The following SARNP variants were observed in gnomAD, a reference collection of about 807,000 sequenced individuals.
SARNP encodes SAP domain-containing ribonucleoprotein.
SARNP carries 5 observed loss-of-function variants against 38.1 expected under a neutral mutation model. That is an observed-to-expected ratio of 0.13 (90% CI 0.07 to 0.28). SARNP has a LOEUF of 0.28. SARNP is among the 10% of genes least tolerant of loss of function. SARNP has a pLI of 1.00. For missense variants in SARNP, 180 were observed against 243.9 expected (o/e 0.74, Z 1.75); for synonymous variants, 84 against 80.6 (o/e 1.04, Z -0.23).
chr12:55,775,972 A>C (rs1264037441), intron 9 of SARNP, among the ~76,000 whole-genome samples: 1 of 152,204 alleles, frequency 6.6e-6, no homozygotes, highest in Non-Finnish European at 1.5e-5. Flanking sequence ...TCCTATCAAA[A>C]AAATTAATCA....
At position 55,807,607 on chromosome 12, in the gene SARNP, C is replaced by G. The variant is rs899399114; in HGVS notation, c.37-3879G>C. Among the ~76,000 whole-genome samples, 3 of 150,518 alleles carry G rather than the reference C, an allele frequency of 2.0e-5. No homozygotes were observed. The East Asian group carries it at 5.8e-4, about 29-fold the overall frequency. On this transcript the variant is annotated intron_variant, in intron 1 of 10. Coordinates refer to ENST00000336133, the MANE Select transcript of SARNP (RefSeq NM_033082.4). ...CATGAGGTCAGGAGATAGAGACCAT[C>G]CTGGCTAGCACGGTGAAACCCCGTC... is the stretch of plus-strand genomic sequence containing the variant.
chr12:55,799,573 T>TTGTTTG (rs1879919194), intron 4 of SARNP, among the ~76,000 whole-genome samples: 1 of 147,688 alleles, frequency 6.8e-6, no homozygotes, highest in Non-Finnish European at 1.5e-5. Flanking sequence ...TTTTTTTTTT[T>TTGTTTG]TTCCCGAGAC....
At chr12:55,781,209 T>G (rs57923210) in intron 9 of SARNP, among the ~76,000 whole-genome samples, 5,992 of 152,300 alleles carry the variant, frequency 0.039, 409 homozygotes, top group African/African-American at 0.14. Flanking sequence ...CTATCTGTAC[T>G]TTGAATTGAC....
chr12:55,773,030 T>C (rs1879058375), intron 9 of SARNP, among the ~76,000 whole-genome samples: 1 of 152,182 alleles, frequency 6.6e-6, no homozygotes, highest in Non-Finnish European at 1.5e-5. Context: ...AGCTGAAACT[T>C]TTCAGGAGAC....
At chr12:55,790,702 GA>G (rs1223392001) in intron 7 of SARNP, 110 bp from the exon 8 acceptor site, 10 of 1,068,136 alleles carry the variant, frequency 9.4e-6, no homozygotes, top group African/African-American at 3.3e-5. Context: ...TGATGACAAA[GA>G]AAAGGCAGAA....
intron 9 of SARNP, among the ~76,000 whole-genome samples, chr12:55,781,396 T>C (rs1879335504): frequency 1.3e-5 from 2 of 151,772 alleles, no homozygotes; most frequent in Admixed American, 1.3e-4. Flanking sequence ...TAGCCAGGCG[T>C]TGTGGCGGGT....
chr12:55,814,807 T>G (rs1203831503), intron 1 of SARNP, among the ~76,000 whole-genome samples: 2 of 151,462 alleles, frequency 1.3e-5, no homozygotes, highest in Non-Finnish European at 2.9e-5. Context: ...AGGCGGAGGT[T>G]GCAGCGAGCC....
In SARNP at chr12:55,757,497, A is replaced by G; in HGVS notation, c.*15T>C. 6.2e-7 allele frequency: 1 copy of G among 1,604,080 alleles called. No individual in the cohort carries two copies. Among genetic ancestry groups the G allele is most frequent in the Non-Finnish European group, 8.5e-7 (1 of 1,175,704 alleles). On this transcript the variant is annotated 3_prime_UTR_variant, in exon 11 of 11. Coordinates refer to ENST00000336133, the MANE Select transcript of SARNP (RefSeq NM_033082.4). ...TGGAAAACACTGGAGAACAGAAAGT[A>G]TCAGGAACTTTTCATCAGGCAATCC...
intron 4 of SARNP, among the ~76,000 whole-genome samples, chr12:55,796,461 G>C (rs902873020): frequency 6.6e-6 from 1 of 152,108 alleles, no homozygotes; most frequent in East Asian, 1.9e-4. Flanking sequence ...GGAGTGCAAT[G>C]GCACGATCTC....
At chr12:55,760,479 A>G in intron 10 of SARNP, 72 bp downstream of exon 10, 1 of 853,908 alleles carries the variant, frequency 1.2e-6, no homozygotes, top group East Asian at 2.4e-5. Context: ...TGGGGAAACA[A>G]TATTTCTCCA....
Position 55,789,070 on chromosome 12 carries a change from A to T in SARNP, c.501+5T>A. 6.3e-7 allele frequency: 1 copy of T among 1,596,694 alleles called. No individual in the cohort carries two copies. The highest frequency in any genetic ancestry group is 1.1e-5 in the South Asian group (1 of 89,358). On this transcript the variant is annotated splice_donor_5th_base_variant and intron_variant, in intron 9 of 10. Coordinates refer to ENST00000336133, the MANE Select transcript of SARNP (RefSeq NM_033082.4). The stretch of plus-strand genomic sequence containing the variant: ...AAAACATTACTTCCATCGAGCCTAC[A>T]TTACCTTTCTGGAGATTGAAGAGAC...
intron 1 of SARNP, 95 bp downstream of exon 1, chr12:55,817,571 G>T (rs2136212458): frequency 1.7e-6 from 2 of 1,192,854 alleles, no homozygotes; most frequent in Non-Finnish European, 2.4e-6. Flanking sequence ...AAGTGGAAAA[G>T]GCTGCACGGA....
chr12:55,758,303 A>G lies in SARNP; in HGVS notation c.592-750T>C, dbSNP rs972414576. On this transcript the variant is annotated intron_variant, in intron 10 of 10. Transcript: ENST00000336133. ...AGAGTGTTAGCTGATCTGACTCTAAAATTTTCAGGGTTTAATTTACAAGAC... is the reference window on the plus strand; with the variant it reads ...AGAGTGTTAGCTGATCTGACTCTAAGATTTTCAGGGTTTAATTTACAAGAC... Among the ~76,000 whole-genome samples the G allele has an allele frequency of 6.6e-5, 10 of 152,236 alleles. No individual in the cohort carries two copies. In the East Asian group the frequency reaches 1.9e-3, roughly 29 times the overall value.
intron 2 of SARNP, among the ~76,000 whole-genome samples, chr12:55,803,245 A>G (rs1880037392): frequency 6.6e-6 from 1 of 152,070 alleles, no homozygotes; most frequent in Admixed American, 6.6e-5. Context: ...GCACTTTGGG[A>G]GGCTGAGGCG....
At chr12:55,758,601 C>T (rs1878583433) in intron 10 of SARNP, among the ~76,000 whole-genome samples, 2 of 151,934 alleles carry the variant, frequency 1.3e-5, no homozygotes, top group South Asian at 4.2e-4. Flanking sequence ...GCTGAGATCG[C>T]ACCACTGCAC....
At chr12:55,754,614 C>T (rs1196278808), downstream of SARNP, 1 of 152,186 alleles carries the variant, frequency 6.6e-6, no homozygotes, top group East Asian at 1.9e-4. Context: ...GCACTCATAC[C>T]TAGCTAGAAC....
At chr12:55,806,874 C>T (rs1880161449) in intron 1 of SARNP, among the ~76,000 whole-genome samples, 1 of 152,184 alleles carries the variant, frequency 6.6e-6, no homozygotes, top group Admixed American at 6.5e-5. Context: ...TAGAACAGTG[C>T]TTGACAGCCA....
At chr12:55,772,854 A>G (rs1295010172) in intron 9 of SARNP, among the ~76,000 whole-genome samples, 1 of 151,578 alleles carries the variant, frequency 6.6e-6, no homozygotes, top group Non-Finnish European at 1.5e-5. Flanking sequence ...AGCTGGGATT[A>G]CAGGCACGCA....
intron 4 of SARNP, among the ~76,000 whole-genome samples, chr12:55,797,758 T>A (rs2136199328): frequency 6.6e-6 from 1 of 152,224 alleles, no homozygotes; most frequent in African/African-American, 2.4e-5. Flanking sequence ...CATGGGAAAT[T>A]TCCACTCTTC....
Sources: gnomAD v4.1 joint callset for allele counts (sites outside exome capture counted in the v4.1 genomes callset) on GRCh38, gnomAD v4.1.1 for gene constraint, MANE v1.5 for transcripts, NCBI Gene and HGNC (gene_info 2026-07-23, HGNC 2026-07-21) for gene names.